The following KCNMA1 variants were observed in gnomAD, a reference collection of about 807,000 sequenced individuals.
KCNMA1 encodes the protein potassium calcium-activated channel subfamily M alpha 1.
In KCNMA1, 29 loss-of-function variants were observed where a neutral mutation model predicts 140.0. That is an observed-to-expected ratio of 0.21 (90% CI 0.15 to 0.28). KCNMA1 has a LOEUF of 0.28. Among genes scored for constraint, KCNMA1 ranks in the 10% least tolerant of loss-of-function variants. The probability of loss-of-function intolerance (pLI) is 1.00; values close to 1 mark genes in which losing one functional copy is unlikely to be tolerated. For synonymous variants in KCNMA1, 612 were observed against 611.9 expected, an observed-to-expected ratio of 1.00 and a Z score of 0.00; for missense variants, 880 against 1,602.2, an observed-to-expected ratio of 0.55 and a Z score of 7.70.
intron 5 of KCNMA1, among the ~76,000 whole-genome samples, chr10:77,167,188 T>C (rs959032315): frequency 7.7e-5 from 7 of 90,536 alleles, no homozygotes; most frequent in Non-Finnish European, 1.6e-4. Context: ...TGAGATCCCC[T>C]TTTTTTTAGC....
chr10:77,551,112 A>T (rs762841941), intron 1 of KCNMA1, among the ~76,000 whole-genome samples: 11 of 152,196 alleles, frequency 7.2e-5, no homozygotes, highest in Non-Finnish European at 5.9e-5. Context: ...AACTACAGGA[A>T]CACGCCACCA....
At chr10:77,522,077 A>C (rs899620198) in intron 1 of KCNMA1, among the ~76,000 whole-genome samples, 23 of 152,138 alleles carry the variant, frequency 1.5e-4, no homozygotes, top group African/African-American at 5.6e-4. Flanking sequence ...CAGGAGGCTG[A>C]GGCAGGAGAA....
In KCNMA1 at chr10:76,928,254, T is replaced by TACAC. The variant is rs57777811; in HGVS notation, c.2903-13209_2903-13206dup. Among the ~76,000 whole-genome samples the TACAC allele has an allele frequency of 2.4e-3, 344 of 144,814 alleles. 2 individuals are homozygous for TACAC. Among genetic ancestry groups the TACAC allele is most frequent in the African/African-American group, 5.2e-3 (205 of 39,750 alleles). Reference sequence around the variant, plus strand: ...CACCAGAATTATTTATTCAGAAAAATACACACACACACACACACACACGAA... The same window carrying TACAC: ...CACCAGAATTATTTATTCAGAAAAATACACACACACACACACACACACACACGAA... On this transcript the variant is annotated intron_variant, in intron 23 of 27. Transcript: ENST00000286628.
rs141642348 is a variant in KCNMA1 at position 77,456,741 on chromosome 10, A to C, written c.379-52718T>G. Among the ~76,000 whole-genome samples, 106 of 152,286 alleles carry C rather than the reference A, an allele frequency of 7.0e-4. 2 individuals carry two copies. In the East Asian group the frequency reaches 0.018, roughly 26 times the overall value. On this transcript the variant is annotated intron_variant, in intron 1 of 27. Coordinates refer to ENST00000286628, the MANE Select transcript of KCNMA1 (RefSeq NM_001161352.2). ...GGCTGCAGAAGTGCACTGTGGAAGC[A>C]GGTCTGTGTGCTTGAGATCAGGGAA...
chr10:76,979,867 A>T (rs2078885819), intron 19 of KCNMA1: 1 of 152,190 alleles, frequency 6.6e-6, no homozygotes, highest in South Asian at 2.1e-4. Flanking sequence ...CCGACGAAGA[A>T]TATTCTGCCA....
chr10:77,361,980 C>T (rs1219454272), intron 2 of KCNMA1, among the ~76,000 whole-genome samples: 1 of 152,224 alleles, frequency 6.6e-6, no homozygotes, highest in Non-Finnish European at 1.5e-5. Flanking sequence ...TCTCTGTTCC[C>T]TTGGAGCTGA....
chr10:77,376,106 T>C (rs553958073), intron 2 of KCNMA1, among the ~76,000 whole-genome samples: 1 of 152,344 alleles, frequency 6.6e-6, no homozygotes, highest in South Asian at 2.1e-4. Context: ...CCACGGTCCT[T>C]GGTCATTCTA....
chr10:76,889,746 T>A (rs1283976915), intron 26 of KCNMA1, 177 bp from the exon 27 acceptor site: 1 of 661,802 alleles, frequency 1.5e-6, no homozygotes, highest in African/African-American at 1.8e-5. Context: ...CTACACCCAA[T>A]ATGTGTGATT....
Position 76,885,939 on chromosome 10 carries a change from C to G in KCNMA1, c.*1327G>C. On this transcript the variant is annotated 3_prime_UTR_variant, in exon 28 of 28. Coordinates refer to ENST00000286628, the MANE Select transcript of KCNMA1 (RefSeq NM_001161352.2). ...CACGTCTCATAATGACAAGGAGCAG[C>G]TCTCTATTGCCGTCATTACCCTGCC... The G allele has an allele frequency of 1.0e-6, 1 of 985,410 alleles. No individual in the cohort carries two copies. Among genetic ancestry groups the G allele is most frequent in the Non-Finnish European group, 1.2e-6 (1 of 829,918 alleles). 61.0% of individuals were successfully genotyped at this position (985,410 alleles called of 1,614,324 possible).
chr10:77,412,125 G>A (rs2096633414), intron 1 of KCNMA1, among the ~76,000 whole-genome samples: 1 of 152,146 alleles, frequency 6.6e-6, no homozygotes, highest in Non-Finnish European at 1.5e-5. Context: ...GTAGGGGCTG[G>A]GAAGCCCCTC....
chr10:76,873,929 T>C (rs1489233889), downstream of KCNMA1: 3 of 152,130 alleles, frequency 2.0e-5, no homozygotes, highest in African/African-American at 7.2e-5. Flanking sequence ...GGTTACTTCC[T>C]GAAGATTCAC....
chr10:77,520,886 C>T (rs978173482), intron 1 of KCNMA1, among the ~76,000 whole-genome samples: 1 of 152,244 alleles, frequency 6.6e-6, no homozygotes, highest in Admixed American at 6.5e-5. Context: ...CAGATGAAGC[C>T]CCACTTTGGT....
chr10:77,062,230 T>C (rs904350974), intron 14 of KCNMA1, among the ~76,000 whole-genome samples: 1 of 152,226 alleles, frequency 6.6e-6, no homozygotes, highest in Non-Finnish European at 1.5e-5. Flanking sequence ...ATTACTCTGC[T>C]AATAACCTTG....
chr10:77,018,945 C>T (rs575769563), intron 17 of KCNMA1, 68 bp downstream of exon 17: 6 of 872,192 alleles, frequency 6.9e-6, no homozygotes, highest in African/African-American at 3.3e-5. Context: ...TGGAAGCCTG[C>T]CTACTTCCGT....
At chr10:77,220,596 A>C (rs1172417465) in intron 3 of KCNMA1, among the ~76,000 whole-genome samples, 1 of 152,198 alleles carries the variant, frequency 6.6e-6, no homozygotes, top group Non-Finnish European at 1.5e-5. Flanking sequence ...GGCCATTCTA[A>C]TAGTGGTTTC....
chr10:77,503,384 CA>C (rs1230476666), intron 1 of KCNMA1, among the ~76,000 whole-genome samples: 5 of 151,960 alleles, frequency 3.3e-5, no homozygotes, highest in Non-Finnish European at 5.9e-5. Flanking sequence ...TCCCTAGCAC[CA>C]ATGATTTGGA....
chr10:77,243,282 T>C lies in KCNMA1; in HGVS notation c.602+7913A>G, dbSNP rs141722745. On this transcript the variant is annotated intron_variant, in intron 3 of 27. Transcript: ENST00000286628. Reference sequence around the variant, plus strand: ...GATTAAACTGTTCTGAGCTATAACATTTCGCTCCAGCTGGCTCCTATCCTG... The same window carrying C: ...GATTAAACTGTTCTGAGCTATAACACTTCGCTCCAGCTGGCTCCTATCCTG... Among the ~76,000 whole-genome samples, 737 of 152,322 alleles carry C rather than the reference T, an allele frequency of 4.8e-3. 6 individuals carry two copies. The highest frequency in any genetic ancestry group is 0.017 in the African/African-American group (712 of 41,582).
intron 3 of KCNMA1, among the ~76,000 whole-genome samples, chr10:77,236,879 A>G (rs1322340691): frequency 6.6e-6 from 1 of 152,248 alleles, no homozygotes; most frequent in Admixed American, 6.5e-5. Flanking sequence ...TCTTGGCCTC[A>G]AGCCATACTC....
At chr10:77,514,557 A>T (rs2049646599) in intron 1 of KCNMA1, among the ~76,000 whole-genome samples, 1 of 152,152 alleles carries the variant, frequency 6.6e-6, no homozygotes, top group Non-Finnish European at 1.5e-5. Flanking sequence ...CAGGCTTCCC[A>T]ACTACTGAAA....
Sources: allele counts gnomAD v4.1 joint callset (sites outside exome capture counted in the v4.1 genomes callset), GRCh38; gene constraint gnomAD v4.1.1; transcripts MANE v1.5; gene names NCBI Gene and HGNC (gene_info 2026-07-23, HGNC 2026-07-21).